Variants in GNAT3 observed in about 807,000 individuals in gnomAD.
GNAT3 encodes guanine nucleotide-binding protein G(t) subunit alpha-3.
A neutral mutation model predicts 37.7 loss-of-function variants in GNAT3; 31 were observed. The observed-to-expected ratio is 0.82, with a 90% CI of 0.62 to 1.11. GNAT3 has a LOEUF of 1.11. Ranked by LOEUF, GNAT3 falls within the 50% of genes most tolerant of loss-of-function variation. The probability of loss-of-function intolerance (pLI) is 0.00; values close to 1 mark genes in which losing one functional copy is unlikely to be tolerated. For missense variants in GNAT3, 437 were observed against 412.5 expected (o/e 1.06, Z -0.51); for synonymous variants, 138 against 139.8 (o/e 0.99, Z 0.09).
intron 3 of GNAT3, among the ~76,000 whole-genome samples, chr7:80,482,467 TTTTCTTTTTCTTTTTTC>T (rs1033497567): frequency 3.9e-5 from 6 of 151,938 alleles, no homozygotes; most frequent in Non-Finnish European, 8.8e-5. Flanking sequence ...TTCTTTCTTA[TTTTCTTTTTCTTTTTTC>T]TTTCTTTTTC....
chr7:80,492,266 C>T (rs935772942), intron 2 of GNAT3, among the ~76,000 whole-genome samples: 1 of 151,842 alleles, frequency 6.6e-6, no homozygotes, highest in Non-Finnish European at 1.5e-5. Context: ...ATTGCTTGAA[C>T]CTGAGAGGTG....
At chr7:80,503,319 G>A (rs1790871310) in intron 1 of GNAT3, among the ~76,000 whole-genome samples, 1 of 152,012 alleles carries the variant, frequency 6.6e-6, no homozygotes, top group East Asian at 1.9e-4. Context: ...AAGAACAAAA[G>A]CAGATATGTT....
Position 80,478,846 on chromosome 7 carries a change from T to A in GNAT3, c.456A>T (p.Ala152=). ...CTTAAAGTGAATTCACTTACTAAGCTGCTGAGTCATTGAGCTGATATTCAG... is the reference window on the plus strand; with the variant it reads ...CTTAAAGTGAATTCACTTACTAAGCAGCTGAGTCATTGAGCTGATATTCAG... The part of the protein sequence containing the change: ...RASEYQLNDS[A]AYYLNDLDRI... The change falls in exon 4 of 8, where the codon GCA becomes GCT. Residue 152 remains alanine (A), a synonymous_variant. Transcript: ENST00000398291. 2 of 1,612,966 alleles carry A rather than the reference T, an allele frequency of 1.2e-6. No individual in the cohort carries two copies. The highest frequency in any genetic ancestry group is 1.7e-6 in the Non-Finnish European group (2 of 1,179,240).
At chr7:80,501,289 A>T (rs983261672) in intron 1 of GNAT3, among the ~76,000 whole-genome samples, 1 of 151,898 alleles carries the variant, frequency 6.6e-6, no homozygotes, top group Admixed American at 6.6e-5. Flanking sequence ...TTTCTGAATT[A>T]TTTGTCCTGT....
At chr7:80,470,499 G>C (rs1011020972) in intron 5 of GNAT3, among the ~76,000 whole-genome samples, 2 of 152,184 alleles carry the variant, frequency 1.3e-5, no homozygotes, top group African/African-American at 4.8e-5. Context: ...GGGATTACAG[G>C]TGTGAGCCAC....
chr7:80,462,350 A>T (rs1171840489), intron 6 of GNAT3, 38 bp from the exon 7 acceptor site: 1 of 1,595,816 alleles, frequency 6.3e-7, no homozygotes, highest in Non-Finnish European at 8.6e-7. Context: ...TAGGATTATT[A>T]TTTGCAAAAT....
chr7:80,471,213 A>C lies in GNAT3; in HGVS notation c.590+3038T>G, dbSNP rs981678066. On this transcript the variant is annotated intron_variant, in intron 5 of 7. Coordinates refer to ENST00000398291, the MANE Select transcript of GNAT3 (RefSeq NM_001102386.3). Reference sequence around the variant, plus strand: ...TCTTTTCACATTTTTCTGCTTGCCTATATTCTAGCTGTGTTGGCAGCTGAT... The same window carrying C: ...TCTTTTCACATTTTTCTGCTTGCCTCTATTCTAGCTGTGTTGGCAGCTGAT... Among the ~76,000 whole-genome samples, 4 of 149,862 alleles carry C rather than the reference A, an allele frequency of 2.7e-5. No homozygotes were observed. In the South Asian group the frequency reaches 8.7e-4, roughly 33 times the overall value.
intron 1 of GNAT3, among the ~76,000 whole-genome samples, chr7:80,494,967 T>C (rs956466819): frequency 7.9e-5 from 12 of 152,210 alleles, no homozygotes; most frequent in African/African-American, 2.9e-4. Context: ...CTCCCACTTA[T>C]AAGTGAGAAC....
intron 1 of GNAT3, among the ~76,000 whole-genome samples, chr7:80,496,801 C>T (rs975014693): frequency 2.6e-5 from 4 of 151,594 alleles, no homozygotes; most frequent in African/African-American, 7.3e-5. Context: ...TCTTAAGCCT[C>T]GATGAACAGA....
intron 3 of GNAT3, among the ~76,000 whole-genome samples, chr7:80,485,379 A>G (rs934930408): frequency 6.6e-6 from 1 of 152,146 alleles, no homozygotes; most frequent in Admixed American, 6.6e-5. Context: ...TTGCTTACAT[A>G]TGTAGATATC....
intron 1 of GNAT3, among the ~76,000 whole-genome samples, chr7:80,496,732 C>T (rs1719143928): frequency 6.6e-6 from 1 of 152,128 alleles, no homozygotes; most frequent in Non-Finnish European, 1.5e-5. Flanking sequence ...AGATTTTGTC[C>T]TTTGTACTGC....
At chr7:80,491,073 G>A (rs1790582128) in intron 2 of GNAT3, among the ~76,000 whole-genome samples, 1 of 152,138 alleles carries the variant, frequency 6.6e-6, no homozygotes, top group Admixed American at 6.6e-5. Flanking sequence ...GTTCATGGCA[G>A]TGTGGATAAT....
At position 80,511,828 on chromosome 7, in the gene GNAT3, G is replaced by A. The variant is rs770075283; in HGVS notation, c.99C>T (p.Thr33=). ...LQEDAERDAR[T]VKLLLLGAGE... is the part of the protein sequence containing the mutation. Reference sequence around the variant, plus strand: ...AATTACCTAATAGTAGCAGCTTTACGGTTCTTGCATCTCGCTCAGCATCCT... The same window carrying A: ...AATTACCTAATAGTAGCAGCTTTACAGTTCTTGCATCTCGCTCAGCATCCT... The change falls in exon 1 of 8, where the codon ACC becomes ACT. Residue 33 remains threonine (T), a synonymous_variant. Transcript: ENST00000398291. 9.3e-6 allele frequency: 15 copies of A among 1,609,406 alleles called. No individual in the cohort carries two copies. The highest frequency in any genetic ancestry group is 1.2e-5 in the Non-Finnish European group (14 of 1,176,832).
At chr7:80,493,287 C>T (rs529850296) in intron 2 of GNAT3, among the ~76,000 whole-genome samples, 7 of 152,126 alleles carry the variant, frequency 4.6e-5, no homozygotes, top group African/African-American at 1.7e-4. Context: ...TGCCAGATGA[C>T]TTAGTTGCAA....
chr7:80,474,158 G>T, intron 5 of GNAT3, 93 bp downstream of exon 5: 2 of 1,247,902 alleles, frequency 1.6e-6, no homozygotes, highest in Non-Finnish European at 2.3e-6. Context: ...AAGGATTATT[G>T]AACCTGAACA....
chr7:80,485,288 A>T (rs149571667), intron 3 of GNAT3, among the ~76,000 whole-genome samples: 2,846 of 152,078 alleles, frequency 0.019, 91 homozygotes, highest in African/African-American at 0.065. Flanking sequence ...TATATGCCAT[A>T]GTATAATGGC....
intron 4 of GNAT3, among the ~76,000 whole-genome samples, chr7:80,476,979 G>T (rs1022729060): frequency 6.6e-6 from 1 of 152,042 alleles, no homozygotes; most frequent in Admixed American, 6.6e-5. Context: ...CTGGGTAGTT[G>T]AAAACTATTA....
intron 3 of GNAT3, chr7:80,486,632 C>CTTTTTTTTTTTTTT: frequency 1.0e-5 from 1 of 98,422 alleles, no homozygotes; most frequent in Non-Finnish European, 1.9e-5. Context: ...TTTTCTTTTC[C>CTTTTTTTTTTTTTT]TTTTTTTTTT....
rs890936710 is a variant in GNAT3 at position 80,458,952 on chromosome 7, C to G, written c.875-91G>C. On this transcript the variant is annotated intron_variant, in intron 7 of 7. Transcript: ENST00000398291. ...AATATCAGCAAATTTTAGGATTTTA[C>G]TTTGATATACAAAGTATTGCAAAAT... 4.7e-6 allele frequency: 4 copies of G among 860,038 alleles called. No homozygotes were observed. The African/African-American group carries it at 5.3e-5, about 11-fold the overall frequency. 53.3% of individuals were successfully genotyped at this position (860,038 alleles called of 1,614,324 possible). A position where few individuals can be genotyped will look rare whatever the true frequency, so the allele number is the denominator to read the frequency against.
Sources: allele counts gnomAD v4.1 joint callset (sites outside exome capture counted in the v4.1 genomes callset), GRCh38; gene constraint gnomAD v4.1.1; transcripts MANE v1.5; gene names NCBI Gene and HGNC (gene_info 2026-07-23, HGNC 2026-07-21).